ZNF780A: variants seen among roughly 807,000 people sequenced by gnomAD.
ZNF780A encodes zinc finger protein 780A.
ZNF780A carries 40 observed loss-of-function variants against 56.7 expected under a neutral mutation model. The observed-to-expected ratio is 0.71, with a 90% CI of 0.55 to 0.92. The LOEUF (loss-of-function observed/expected upper bound fraction) is 0.92. Among genes scored for constraint, ZNF780A ranks in the 40% least tolerant of loss-of-function variants. The pLI is 0.00. For missense variants in ZNF780A, 672 were observed against 783.3 expected (o/e 0.86, Z 1.70); for synonymous variants, 231 against 248.3 (o/e 0.93, Z 0.66).
rs776616074 is a variant in ZNF780A, at chr19:40,074,721, C to G, written c.1721G>C (p.Arg574Pro). The change falls in exon 6 of 6, where the codon CGA becomes CCA. Residue 574 changes from arginine to proline, a missense_variant. Physicochemically the swap from Arg to Pro is moderately radical, Grantham distance 103. Coordinates refer to ENST00000683561, the MANE Select transcript of ZNF780A (RefSeq NM_001142578.2). ...KAFRLHMHLI[R>P]HQKLHTGEKP... ...CTCACCAGTATGCAATTTCTGATGT[C>G]GAATAAGGTGCATATGAAGTCGAAA... 2.5e-6 allele frequency: 4 copies of G among 1,609,692 alleles called. No individual in the cohort carries two copies. The highest frequency in any genetic ancestry group is 3.4e-6 in the Non-Finnish European group (4 of 1,178,474).
intron 5 of ZNF780A, among the ~76,000 whole-genome samples, chr19:40,079,418 T>G (rs1351661940): frequency 6.6e-6 from 1 of 152,148 alleles, no homozygotes; most frequent in Non-Finnish European, 1.5e-5. Flanking sequence ...CACCCCACTC[T>G]GAATTACACA....
At chr19:40,088,233 T>C (rs533364539) in intron 2 of ZNF780A, among the ~76,000 whole-genome samples, 1 of 152,020 alleles carries the variant, frequency 6.6e-6, no homozygotes, top group Non-Finnish European at 1.5e-5. Flanking sequence ...AGACATCTTG[T>C]AGAATGAGAG....
chr19:40,087,477 T>G (rs567803777), intron 2 of ZNF780A, among the ~76,000 whole-genome samples: 17 of 152,190 alleles, frequency 1.1e-4, no homozygotes, highest in Admixed American at 2.0e-4. Flanking sequence ...ATAAATTTTT[T>G]TGATAATCTT....
intron 5 of ZNF780A, 140 bp from the exon 6 acceptor site, chr19:40,076,349 A>ATTC: frequency 1.2e-6 from 1 of 823,916 alleles, no homozygotes; most frequent in Non-Finnish European, 1.8e-6. Flanking sequence ...CAAAGTTGGT[A>ATTC]GATAGAACCT....
Position 40,075,814 on chromosome 19 carries a change from G to A in ZNF780A, c.628C>T (p.Arg210Ter), listed in dbSNP as rs199657605. Residue 210 changes from arginine (R) to a stop codon, truncating the protein, a stop_gained, in exon 6 of 6, where the codon CGA becomes TGA. Coordinates refer to ENST00000683561, the MANE Select transcript of ZNF780A (RefSeq NM_001142578.2). LOFTEE classifies it high-confidence loss of function. ...TCACCAGTATGAAATTTCTGATGTC[G>A]AGTAAATTGTATGTGAAGTCGAAAG... ...KAFRLHIQFT[R>*]HQKFHTGEKP... The A allele has an allele frequency of 9.4e-5, 151 of 1,613,692 alleles. No individual in the cohort carries two copies. Among genetic ancestry groups the A allele is most frequent in the Non-Finnish European group, 9.9e-5 (117 of 1,179,926 alleles).
chr19:40,076,310 C>A, intron 5 of ZNF780A, 101 bp from the exon 6 acceptor site: 2 of 1,208,992 alleles, frequency 1.7e-6, no homozygotes, highest in Non-Finnish European at 2.2e-6. Flanking sequence ...ACCAATAAAA[C>A]CTTTATTGAT....
intron 2 of ZNF780A, among the ~76,000 whole-genome samples, chr19:40,089,630 ACACACACACACACT>A (rs1471429885): frequency 2.0e-5 from 3 of 151,846 alleles, no homozygotes; most frequent in Non-Finnish European, 4.4e-5. Context: ...ACACACACAC[ACACACACACACACT>A]CACACACACA....
chr19:40,074,400 C>T lies in ZNF780A; in HGVS notation c.*116G>A. ...TTCTGATGCTGAATAACGTTTGAAC[C>T]ACAAATGAAGCCTTTCCCACACCCC... On this transcript the variant is annotated 3_prime_UTR_variant, in exon 6 of 6. Transcript: ENST00000683561. 1 of 1,547,956 alleles carries T rather than the reference C, an allele frequency of 6.5e-7. No individual in the cohort carries two copies. Among genetic ancestry groups the T allele is most frequent in the Admixed American group, 2.0e-5 (1 of 49,040 alleles).
chr19:40,088,622 T>A (rs942048413), intron 2 of ZNF780A, among the ~76,000 whole-genome samples: 1 of 152,124 alleles, frequency 6.6e-6, no homozygotes, highest in African/African-American at 2.4e-5. Context: ...AGAACTACCA[T>A]ATGATCCAGC....
chr19:40,081,775 C>G (rs776844203), intron 5 of ZNF780A, 44 bp downstream of exon 5: 4 of 1,519,058 alleles, frequency 2.6e-6, no homozygotes, highest in Non-Finnish European at 3.7e-6. Flanking sequence ...AGCACATGTC[C>G]AGGACAATGA....
At chr19:40,076,297 C>T in intron 5 of ZNF780A, 88 bp from the exon 6 acceptor site, 1 of 1,310,916 alleles carries the variant, frequency 7.6e-7, no homozygotes, top group Non-Finnish European at 1.0e-6. Flanking sequence ...ACCATCAATT[C>T]AAACCAATAA....
At chr19:40,069,960 C>T (rs1973762180), downstream of ZNF780A, 5 of 152,148 alleles carry the variant, frequency 3.3e-5, no homozygotes, top group South Asian at 1.0e-3. Flanking sequence ...ACTCGTAACT[C>T]CTATGAATCA....
intron 3 of ZNF780A, 34 bp downstream of exon 3, chr19:40,084,711 A>G: frequency 6.5e-7 from 1 of 1,545,226 alleles, no homozygotes; most frequent in Non-Finnish European, 8.8e-7. Context: ...GAAAGTCACC[A>G]TATTTCAAGG....
At chr19:40,089,214 G>T in intron 2 of ZNF780A, 1 of 1,383,144 alleles carries the variant, frequency 7.2e-7, no homozygotes, top group Non-Finnish European at 9.5e-7. Context: ...GTGAGGTAAT[G>T]CATTGTTAAT....
In ZNF780A at chr19:40,073,093, GATTAA is replaced by G; in HGVS notation, c.*1418_*1422del. ...TTCATGTTTGGTTGATACACACGTT[GATTAA>G]ATAAAGGGTAAAGTGTCATGATGTC... On this transcript the variant is annotated 3_prime_UTR_variant, in exon 6 of 6. Transcript: ENST00000683561. The G allele has an allele frequency of 7.5e-7, 1 of 1,338,992 alleles. No homozygotes were observed. Among genetic ancestry groups the G allele is most frequent in the Non-Finnish European group, 9.6e-7 (1 of 1,042,660 alleles). 82.9% of individuals were successfully genotyped at this position (1,338,992 alleles called of 1,614,324 possible). A position where few individuals can be genotyped will look rare whatever the true frequency, so the allele number is the denominator to read the frequency against.
chr19:40,073,983 C>T lies in ZNF780A; in HGVS notation c.*533G>A. 1.9e-6 allele frequency: 2 copies of T among 1,068,360 alleles called. No individual in the cohort carries two copies. Among genetic ancestry groups the T allele is most frequent in the Non-Finnish European group, 2.3e-6 (2 of 875,724 alleles). 66.2% of individuals were successfully genotyped at this position (1,068,360 alleles called of 1,614,324 possible). A position where few individuals can be genotyped will look rare whatever the true frequency, so the allele number is the denominator to read the frequency against. On this transcript the variant is annotated 3_prime_UTR_variant, in exon 6 of 6. Transcript: ENST00000683561. ...AACATGTTGAACAATGTTTGAGCTA[C>T]AACTAAAGGTCTTCCCACATTCTGT...
intron 5 of ZNF780A, among the ~76,000 whole-genome samples, chr19:40,080,767 A>T (rs1490286394): frequency 6.6e-6 from 1 of 152,186 alleles, no homozygotes; most frequent in Non-Finnish European, 1.5e-5. Context: ...CACCAAACCC[A>T]CCACAACATG....
At chr19:40,083,070 A>C in intron 4 of ZNF780A, 41 bp downstream of exon 4, 1 of 1,614,056 alleles carries the variant, frequency 6.2e-7, no homozygotes, top group Non-Finnish European at 8.5e-7. Flanking sequence ...CTGATATTCC[A>C]GAAAATAGAT....
intron 5 of ZNF780A, among the ~76,000 whole-genome samples, chr19:40,078,696 C>T (rs117525012): frequency 0.013 from 1,984 of 152,184 alleles, 32 homozygotes; most frequent in South Asian, 0.035. Context: ...AATTATAAAA[C>T]ATAAATGAAG....
Sources: gnomAD v4.1 joint callset for allele counts (sites outside exome capture counted in the v4.1 genomes callset) on GRCh38, gnomAD v4.1.1 for gene constraint, MANE v1.5 for transcripts, NCBI Gene and HGNC (gene_info 2026-07-23, HGNC 2026-07-21) for gene names.